Variants in PACRG observed in about 807,000 individuals in gnomAD.
PACRG encodes parkin coregulated gene protein.
A neutral mutation model predicts 29.7 loss-of-function variants in PACRG; 29 were observed. That is an observed-to-expected ratio of 0.98 (90% CI 0.73 to 1.33). The LOEUF is 1.33. PACRG is among the 40% of genes most tolerant of loss of function. The probability of loss-of-function intolerance (pLI) is 0.00; values close to 1 mark genes in which losing one functional copy is unlikely to be tolerated. For synonymous variants in PACRG, 116 were observed against 118.7 expected (o/e 0.98, Z 0.15); for missense variants, 279 against 316.2 (o/e 0.88, Z 0.89).
intron 4 of PACRG, among the ~76,000 whole-genome samples, chr6:163,215,898 C>G (rs947073069): frequency 6.6e-5 from 10 of 152,172 alleles, no homozygotes; most frequent in Non-Finnish European, 1.5e-4. Context: ...AGGAGATCAA[C>G]AGTGGCCTCA....
intron 1 of PACRG, among the ~76,000 whole-genome samples, chr6:162,764,747 CTT>C (rs35179604): frequency 5.5e-5 from 8 of 144,256 alleles, no homozygotes; most frequent in Non-Finnish European, 4.6e-5. Flanking sequence ...GGAATCCAAA[CTT>C]TTTTTTTTTT....
In PACRG at chr6:163,204,211, A is replaced by C. The variant is rs558875287; in HGVS notation, c.614-110616A>C. On this transcript the variant is annotated intron_variant, in intron 4 of 4. Coordinates refer to ENST00000366888, the MANE Select transcript of PACRG (RefSeq NM_001080379.2). ...TTGCAGATCTTTATAAAAATGTGTG[A>C]CATGGATTGTTAACATTAGCTTGGC... Among the ~76,000 whole-genome samples the C allele has an allele frequency of 2.6e-5, 4 of 152,346 alleles. No homozygotes were observed. In the South Asian group the frequency reaches 8.3e-4, roughly 32 times the overall value.
chr6:162,941,017 C>T (rs546014166), intron 2 of PACRG, among the ~76,000 whole-genome samples: 16 of 150,610 alleles, frequency 1.1e-4, no homozygotes, highest in Non-Finnish European at 2.1e-4. Flanking sequence ...TGTGTGTGCG[C>T]GTGTGTGTTT....
At chr6:162,979,750 C>A (rs939534573) in intron 2 of PACRG, among the ~76,000 whole-genome samples, 1 of 151,916 alleles carries the variant, frequency 6.6e-6, no homozygotes, top group Admixed American at 6.6e-5. Flanking sequence ...GAGCTAAAAT[C>A]ACCTTTTGAC....
intron 1 of PACRG, among the ~76,000 whole-genome samples, chr6:162,767,106 G>A (rs1049174078): frequency 2.0e-5 from 3 of 151,988 alleles, no homozygotes; most frequent in Non-Finnish European, 4.4e-5. Flanking sequence ...ACATGATACA[G>A]TTTTATAAGG....
chr6:162,732,769 C>G (rs1420471292), intron 1 of PACRG, among the ~76,000 whole-genome samples: 1 of 152,124 alleles, frequency 6.6e-6, no homozygotes, highest in Non-Finnish European at 1.5e-5. Flanking sequence ...ATTATCAGTA[C>G]AATTACACTA....
chr6:163,178,111 G>A (rs1779474612), intron 4 of PACRG, among the ~76,000 whole-genome samples: 1 of 152,160 alleles, frequency 6.6e-6, no homozygotes, highest in Non-Finnish European at 1.5e-5. Context: ...AGAAACACGA[G>A]GCCAGCTGAA....
intron 1 of PACRG, among the ~76,000 whole-genome samples, chr6:162,779,151 G>A (rs952553608): frequency 3.9e-5 from 6 of 152,124 alleles, no homozygotes; most frequent in South Asian, 2.1e-4. Flanking sequence ...CTGTTCCTGC[G>A]TTAGTTTGTT....
chr6:163,198,189 C>T (rs1481952199), intron 4 of PACRG, among the ~76,000 whole-genome samples: 1 of 152,216 alleles, frequency 6.6e-6, no homozygotes, highest in Non-Finnish European at 1.5e-5. Flanking sequence ...ACTAGTTATT[C>T]ACTAAAGTGA....
intron 4 of PACRG, among the ~76,000 whole-genome samples, chr6:163,148,979 G>C (rs13197279): frequency 0.06 from 1,948 of 32,444 alleles, 252 homozygotes; most frequent in Non-Finnish European, 0.089. Flanking sequence ...GGGGGGGGGG[G>C]GGTGGAAAAA....
At chr6:163,245,386 A>G (rs1344292576) in intron 4 of PACRG, among the ~76,000 whole-genome samples, 1 of 152,132 alleles carries the variant, frequency 6.6e-6, no homozygotes, top group Non-Finnish European at 1.5e-5. Flanking sequence ...ACATTATCAG[A>G]CTGGGGGTAT....
intron 4 of PACRG, among the ~76,000 whole-genome samples, chr6:163,115,683 C>CA (rs1815953384): frequency 6.6e-6 from 1 of 152,146 alleles, no homozygotes; most frequent in South Asian, 2.1e-4. Context: ...AGTCAGCATG[C>CA]ATCTACTGTA....
intron 4 of PACRG, among the ~76,000 whole-genome samples, chr6:163,245,744 T>A (rs141476970): frequency 6.6e-6 from 1 of 152,298 alleles, no homozygotes; most frequent in Non-Finnish European, 1.5e-5. Context: ...TGTGCTTGGA[T>A]GTCCAGTAGG....
At chr6:162,807,759 T>C (rs755562843) in intron 1 of PACRG, among the ~76,000 whole-genome samples, 1 of 152,118 alleles carries the variant, frequency 6.6e-6, no homozygotes, top group Non-Finnish European at 1.5e-5. Context: ...GCCGATGCTG[T>C]TGGAAAAATG....
intron 2 of PACRG, among the ~76,000 whole-genome samples, chr6:163,035,146 C>T (rs1449063932): frequency 6.6e-6 from 1 of 152,150 alleles, no homozygotes; most frequent in East Asian, 1.9e-4. Flanking sequence ...TTCTTTACTG[C>T]AGTCTGTTTT....
At chr6:163,237,610 C>T (rs183938250) in intron 4 of PACRG, among the ~76,000 whole-genome samples, 1 of 152,268 alleles carries the variant, frequency 6.6e-6, no homozygotes, top group East Asian at 1.9e-4. Flanking sequence ...GGAGTTGTCT[C>T]TTTGTCACCC....
At chr6:162,848,393 G>A (rs185849440) in intron 2 of PACRG, among the ~76,000 whole-genome samples, 8 of 152,276 alleles carry the variant, frequency 5.3e-5, no homozygotes, top group Admixed American at 2.0e-4. Flanking sequence ...AGTGCACCAT[G>A]GTGGGCACAG....
intron 4 of PACRG, among the ~76,000 whole-genome samples, chr6:163,192,759 A>G (rs1343083250): frequency 1.3e-5 from 2 of 152,166 alleles, no homozygotes; most frequent in Admixed American, 1.3e-4. Flanking sequence ...TACTGTGTGT[A>G]TTTGCAGGGA....
chr6:162,786,027 C>T (rs1784443430), intron 1 of PACRG, among the ~76,000 whole-genome samples: 1 of 152,352 alleles, frequency 6.6e-6, no homozygotes, highest in African/African-American at 2.4e-5. Flanking sequence ...GCAGGGCCTG[C>T]CATATCTCTA....
Sources: allele counts gnomAD v4.1 joint callset (sites outside exome capture counted in the v4.1 genomes callset), GRCh38; gene constraint gnomAD v4.1.1; transcripts MANE v1.5; gene names NCBI Gene and HGNC (gene_info 2026-07-23, HGNC 2026-07-21).